Variants in CPNE8 observed in about 807,000 individuals in gnomAD.
CPNE8 encodes copine 8, also known as copine-8.
Under a neutral mutation model 81.5 loss-of-function variants are expected in CPNE8, and 45 were observed. That is an observed-to-expected ratio of 0.55 (90% CI 0.44 to 0.71). The LOEUF (loss-of-function observed/expected upper bound fraction) is 0.71, where lower values mean the gene tolerates loss of function less well. Ranked by LOEUF, CPNE8 falls within the 30% of genes least tolerant of loss-of-function variation. The pLI is 0.00. For synonymous variants in CPNE8, 252 were observed against 226.3 expected, an observed-to-expected ratio of 1.11 and a Z score of -1.02; for missense variants, 594 against 672.1, an observed-to-expected ratio of 0.88 and a Z score of 1.28.
At chr12:38,699,224 A>G (rs1347668641) in intron 14 of CPNE8, among the ~76,000 whole-genome samples, 1 of 152,096 alleles carries the variant, frequency 6.6e-6, no homozygotes, top group African/African-American at 2.4e-5. Flanking sequence ...CTTGTTTTCC[A>G]TTCTTTTAAC....
At chr12:38,831,203 G>T (rs1280281791) in intron 5 of CPNE8, among the ~76,000 whole-genome samples, 1 of 152,064 alleles carries the variant, frequency 6.6e-6, no homozygotes, top group Non-Finnish European at 1.5e-5. Flanking sequence ...AATGAGAAAA[G>T]AGAAGGACTC....
chr12:38,880,016 T>G (rs1212240409), intron 1 of CPNE8, among the ~76,000 whole-genome samples: 1 of 152,226 alleles, frequency 6.6e-6, no homozygotes, highest in Non-Finnish European at 1.5e-5. Context: ...GGAAATATAG[T>G]TTGTAAATAG....
intron 10 of CPNE8, among the ~76,000 whole-genome samples, chr12:38,751,963 G>A (rs756681285): frequency 1.3e-5 from 2 of 151,882 alleles, no homozygotes; most frequent in African/African-American, 2.4e-5. Context: ...TTTTCTTTCA[G>A]TATCTGTTTA....
chr12:38,846,158 G>A (rs1943556606), intron 4 of CPNE8, among the ~76,000 whole-genome samples: 2 of 152,128 alleles, frequency 1.3e-5, no homozygotes, highest in Admixed American at 1.3e-4. Flanking sequence ...ATGAAGAGCA[G>A]GACATGGATC....
At chr12:38,762,594 A>G (rs1383463019) in intron 8 of CPNE8, among the ~76,000 whole-genome samples, 1 of 152,192 alleles carries the variant, frequency 6.6e-6, no homozygotes, top group Admixed American at 6.5e-5. Context: ...ACCTGGTTTT[A>G]CAGTGGGTTT....
At chr12:38,791,662 T>G (rs1296073270) in intron 6 of CPNE8, among the ~76,000 whole-genome samples, 1 of 151,548 alleles carries the variant, frequency 6.6e-6, no homozygotes, top group Non-Finnish European at 1.5e-5. Context: ...CAATACCACA[T>G]CTTTAATAAT....
chr12:38,663,790 C>T (rs1201174494), intron 19 of CPNE8, among the ~76,000 whole-genome samples: 2 of 152,032 alleles, frequency 1.3e-5, no homozygotes, highest in East Asian at 1.9e-4. Flanking sequence ...AATACTATTT[C>T]GCCATAAAAA....
chr12:38,702,227 C>G (rs891065090), intron 14 of CPNE8, among the ~76,000 whole-genome samples: 1 of 152,108 alleles, frequency 6.6e-6, no homozygotes, highest in African/African-American at 2.4e-5. Flanking sequence ...TACATAATAA[C>G]TAATTTCAAA....
chr12:38,796,213 G>A (rs1942468201), intron 6 of CPNE8, among the ~76,000 whole-genome samples: 2 of 152,104 alleles, frequency 1.3e-5, no homozygotes, highest in South Asian at 4.1e-4. Flanking sequence ...CTTGAACTTG[G>A]GAGGCAGGAG....
At chr12:38,819,526 G>C (rs909706072) in intron 6 of CPNE8, among the ~76,000 whole-genome samples, 6 of 152,072 alleles carry the variant, frequency 3.9e-5, no homozygotes, top group Non-Finnish European at 8.8e-5. Flanking sequence ...GCAGCACTTT[G>C]GGAGGCCGAG....
chr12:38,734,222 C>T (rs896835217), intron 10 of CPNE8, among the ~76,000 whole-genome samples: 1 of 151,994 alleles, frequency 6.6e-6, no homozygotes, highest in African/African-American at 2.4e-5. Flanking sequence ...CTGAATTTTG[C>T]AAACACACTT....
chr12:38,694,160 T>A (rs1939742739), intron 14 of CPNE8, among the ~76,000 whole-genome samples: 1 of 152,230 alleles, frequency 6.6e-6, no homozygotes, highest in Non-Finnish European at 1.5e-5. Flanking sequence ...TTTATTGTAA[T>A]CTTTATTTTT....
rs753541229 is a variant in CPNE8 at position 38,905,447 on chromosome 12, C to G, written c.88G>C (p.Val30Leu). Reference sequence around the variant, plus strand: ...GGGCTGCGTCCTCACCTGCAGGACACGGACACCTCCACCCGCGTGGCCGGG... The same window carrying G: ...GGGCTGCGTCCTCACCTGCAGGACAGGGACACCTCCACCCGCGTGGCCGGG... The part of the protein sequence containing the change: ...AIPATRVEVS[V>L]SCRNLLDRDT... Residue 30 changes from valine (V) to leucine (L), a missense_variant, in exon 1 of 20, where the codon GTG becomes CTG. Coordinates refer to ENST00000331366, the MANE Select transcript of CPNE8 (RefSeq NM_153634.3). 1.3e-6 allele frequency: 2 copies of G among 1,565,478 alleles called. No individual in the cohort carries two copies. Among genetic ancestry groups the G allele is most frequent in the African/African-American group, 2.7e-5 (2 of 74,216 alleles).
chr12:38,679,626 G>C (rs1158777460), intron 16 of CPNE8: 6 of 984,702 alleles, frequency 6.1e-6, no homozygotes, highest in South Asian at 4.7e-5. Flanking sequence ...TATCACCTTC[G>C]GCACCACAAA....
intron 6 of CPNE8, among the ~76,000 whole-genome samples, chr12:38,795,871 A>G (rs549309364): frequency 3.3e-5 from 5 of 150,708 alleles, no homozygotes; most frequent in African/African-American, 9.9e-5. Flanking sequence ...ATGGATGGAT[A>G]GATAGATAGA....
intron 5 of CPNE8, among the ~76,000 whole-genome samples, chr12:38,833,161 G>A (rs1034178220): frequency 6.6e-6 from 1 of 151,296 alleles, no homozygotes; most frequent in Non-Finnish European, 1.5e-5. Flanking sequence ...AAGACCAGTC[G>A]GGCCAACATG....
chr12:38,803,000 T>A lies in CPNE8; in HGVS notation c.407+26379A>T, dbSNP rs1304690022. 6.2e-5 allele frequency among the ~76,000 whole-genome samples: 8 copies of A among 129,630 alleles called. No homozygotes were observed. The Admixed American group carries it at 6.6e-4, about 11-fold the overall frequency. The allele number at this position is 129,630 out of a possible 152,430, so 85.0% of individuals were successfully genotyped here. On this transcript the variant is annotated intron_variant, in intron 6 of 19. Transcript: ENST00000331366. ...AATAGACCAATAACAGGCTCTGAAA[T>A]TGTGGCAATAATCAATAGTTTACCA...
chr12:38,741,053 C>T (rs1046799008), intron 10 of CPNE8, among the ~76,000 whole-genome samples: 1 of 152,128 alleles, frequency 6.6e-6, no homozygotes, highest in Non-Finnish European at 1.5e-5. Context: ...AATGGAAGAA[C>T]ATTCCATGCT....
chr12:38,906,318 G>T (rs924960205), upstream of CPNE8: 6 of 985,424 alleles, frequency 6.1e-6, no homozygotes, highest in African/African-American at 1.0e-4. Context: ...ATCAATATAT[G>T]GGACAAGTGG....
Sources: allele counts gnomAD v4.1 joint callset (sites outside exome capture counted in the v4.1 genomes callset), GRCh38; gene constraint gnomAD v4.1.1; transcripts MANE v1.5; gene names NCBI Gene and HGNC (gene_info 2026-07-23, HGNC 2026-07-21).